Variants in RANBP3 observed in about 807,000 individuals in gnomAD.
The protein encoded by RANBP3 is ran-binding protein 3.
A neutral mutation model predicts 77.3 loss-of-function variants in RANBP3; 14 were observed. The observed-to-expected ratio is 0.18, with a 90% CI of 0.12 to 0.28. RANBP3 has a LOEUF of 0.28. Among genes scored for constraint, RANBP3 ranks in the 10% least tolerant of loss-of-function variants. The pLI, the probability that RANBP3 is intolerant of heterozygous loss-of-function variation, is 1.00. For missense variants in RANBP3, 586 were observed against 752.3 expected, an observed-to-expected ratio of 0.78 and a Z score of 2.59; for synonymous variants, 315 against 312.4, an observed-to-expected ratio of 1.01 and a Z score of -0.09.
At chr19:5,964,692 C>T (rs985935181) in intron 1 of RANBP3, among the ~76,000 whole-genome samples, 2 of 151,982 alleles carry the variant, frequency 1.3e-5, no homozygotes, top group African/African-American at 2.4e-5. Context: ...GCCACATGAC[C>T]GGGAAGCACA....
At chr19:5,941,446 C>T (rs1247502876) in intron 5 of RANBP3, among the ~76,000 whole-genome samples, 175 bp downstream of exon 5, 1 of 152,212 alleles carries the variant, frequency 6.6e-6, no homozygotes, top group Non-Finnish European at 1.5e-5. Context: ...ACGAGGACCC[C>T]TGATGCTGCA....
intron 14 of RANBP3, among the ~76,000 whole-genome samples, chr19:5,920,367 T>TG (rs1406936453): frequency 1.3e-5 from 2 of 152,046 alleles, no homozygotes; most frequent in African/African-American, 2.4e-5. Flanking sequence ...GCCTGGGTGA[T>TG]GGAGTGAAAT....
In RANBP3 at chr19:5,917,873, C is replaced by A. The variant is rs2057763248; in HGVS notation, c.1581G>T (p.Glu527Asp). ...QEQEAKMPAP[E>D]PGAAPSNEED... ...CCTCGTTGGATGGGGCTGCCCCAGG[C>A]TCAGGCGCGGGCATCTTGGCCTCCT... is the stretch of plus-strand genomic sequence containing the variant. Residue 527 changes from glutamate (E) to aspartate (D), a missense_variant, in exon 16 of 17, where the codon GAG (glutamate) becomes GAT (aspartate). Around this residue, in one of 5 missense-constraint regions of RANBP3, gnomAD observed 128 missense variants for 157.0 expected, o/e 0.82. Transcript: ENST00000340578. 1 of 1,612,716 alleles carries A rather than the reference C, an allele frequency of 6.2e-7. No individual in the cohort carries two copies. Among genetic ancestry groups the A allele is most frequent in the African/African-American group, 1.3e-5 (1 of 74,940 alleles).
chr19:5,950,071 T>C (rs539117820), intron 3 of RANBP3, among the ~76,000 whole-genome samples: 1 of 152,186 alleles, frequency 6.6e-6, no homozygotes, highest in Non-Finnish European at 1.5e-5. Flanking sequence ...CACCATTTCC[T>C]GTGCTCTCAA....
At chr19:5,947,466 C>CT (rs748506764) in intron 3 of RANBP3, among the ~76,000 whole-genome samples, 1 of 152,208 alleles carries the variant, frequency 6.6e-6, no homozygotes, top group African/African-American at 2.4e-5. Flanking sequence ...TTTTCCCAAA[C>CT]TAGACTCTAC....
At chr19:5,935,463 C>T (rs920434744) in intron 5 of RANBP3, among the ~76,000 whole-genome samples, 4 of 152,268 alleles carry the variant, frequency 2.6e-5, no homozygotes, top group Admixed American at 2.6e-4. Flanking sequence ...CAGAAGACGA[C>T]TGGCAATTTA....
intron 10 of RANBP3, 135 bp from the exon 11 acceptor site, chr19:5,925,040 T>C: frequency 2.5e-6 from 2 of 802,356 alleles, no homozygotes; most frequent in Non-Finnish European, 4.3e-6. Flanking sequence ...CGGGGTGGCG[T>C]GTCAGAGGCA....
At chr19:5,956,497 GAAGA>G (rs1408302676) in intron 2 of RANBP3, among the ~76,000 whole-genome samples, 3 of 152,198 alleles carry the variant, frequency 2.0e-5, no homozygotes, top group Admixed American at 2.0e-4. Flanking sequence ...AACAAAACTA[GAAGA>G]AAGTTTTCAT....
chr19:5,943,272 G>A (rs1215372240), intron 3 of RANBP3, among the ~76,000 whole-genome samples: 1 of 152,196 alleles, frequency 6.6e-6, no homozygotes, highest in East Asian at 1.9e-4. Flanking sequence ...GCTTAGGGGA[G>A]GTGATGCATG....
At chr19:5,935,392 C>CCGAG (rs1348121580) in intron 5 of RANBP3, among the ~76,000 whole-genome samples, 1 of 152,236 alleles carries the variant, frequency 6.6e-6, no homozygotes, top group Non-Finnish European at 1.5e-5. Context: ...CGGGGGTGAG[C>CCGAG]CGCCAGATGT....
At chr19:5,970,650 T>C (rs1336450831) in intron 1 of RANBP3, among the ~76,000 whole-genome samples, 1 of 152,138 alleles carries the variant, frequency 6.6e-6, no homozygotes, top group Admixed American at 6.6e-5. Flanking sequence ...ATGTCAAGAA[T>C]ACTGAGGTGG....
In RANBP3 at chr19:5,918,488, T is replaced by A; in HGVS notation, c.1473+8A>T. 1 of 1,543,240 alleles carries A rather than the reference T, an allele frequency of 6.5e-7. No individual in the cohort carries two copies. Among genetic ancestry groups the A allele is most frequent in the South Asian group, 1.1e-5 (1 of 89,806 alleles). ...GGGGTCCCAGATGCACCCGCGTGGCTGGCTCACCGAGATCAGGAAGACCTT... is the reference window on the plus strand; with the variant it reads ...GGGGTCCCAGATGCACCCGCGTGGCAGGCTCACCGAGATCAGGAAGACCTT... On this transcript the variant is annotated splice_region_variant and intron_variant, in intron 15 of 16. Transcript: ENST00000340578.
chr19:5,918,315 C>T (rs1599712949), intron 15 of RANBP3, 181 bp downstream of exon 15: 1 of 735,384 alleles, frequency 1.4e-6, no homozygotes, highest in East Asian at 2.8e-5. Context: ...AGGACAAGGA[C>T]CATGATCTCT....
chr19:5,925,234 C>T, intron 10 of RANBP3: 1 of 480,530 alleles, frequency 2.1e-6, no homozygotes, highest in Non-Finnish European at 3.8e-6. Flanking sequence ...TACCCCCAGC[C>T]ATGTCAGTCA....
At chr19:5,932,256 T>C (rs369829799) in intron 7 of RANBP3, among the ~76,000 whole-genome samples, 196 bp downstream of exon 7, 6 of 152,336 alleles carry the variant, frequency 3.9e-5, no homozygotes, top group East Asian at 1.9e-4. Flanking sequence ...GCCTCTCCCT[T>C]CTCCGTTGCC....
intron 1 of RANBP3, among the ~76,000 whole-genome samples, chr19:5,964,943 G>A (rs1440858378): frequency 6.6e-6 from 1 of 151,528 alleles, no homozygotes; most frequent in East Asian, 1.9e-4. Flanking sequence ...CAGTGTAGAA[G>A]CTCCTAGGAA....
intron 12 of RANBP3, 42 bp downstream of exon 12, chr19:5,923,770 G>A (rs370320465): frequency 6.5e-4 from 977 of 1,503,470 alleles, no homozygotes; most frequent in Non-Finnish European, 8.4e-4. Context: ...CCCCCAAGAT[G>A]ACCTACCATG....
chr19:5,939,913 T>C (rs545001804), intron 5 of RANBP3, among the ~76,000 whole-genome samples: 4 of 152,338 alleles, frequency 2.6e-5, no homozygotes, highest in Admixed American at 1.3e-4. Context: ...CAGGCCACAT[T>C]GGAGGCCCTG....
intron 1 of RANBP3, among the ~76,000 whole-genome samples, chr19:5,964,481 C>G (rs2058440221): frequency 6.6e-6 from 1 of 152,156 alleles, no homozygotes; most frequent in Non-Finnish European, 1.5e-5. Flanking sequence ...GTGCACTAAG[C>G]ACTGCGTCGG....
Sources: gnomAD v4.1 joint callset for allele counts (sites outside exome capture counted in the v4.1 genomes callset) on GRCh38, gnomAD v4.1.1 for gene constraint, gnomAD v4.1.1 regional missense constraint, MANE v1.5 for transcripts, NCBI Gene and HGNC (gene_info 2026-07-23, HGNC 2026-07-21) for gene names.